AKAP13: variants seen among roughly 807,000 people sequenced by gnomAD.
The protein encoded by AKAP13 is A-kinase anchor protein 13.
In AKAP13, 80 loss-of-function variants were observed where a neutral mutation model predicts 264.5. The ratio of observed to expected loss-of-function variants is 0.30; its 90% CI spans 0.25 to 0.36. AKAP13 has a LOEUF of 0.36. Among genes scored for constraint, AKAP13 ranks in the 10% least tolerant of loss-of-function variants. The probability of loss-of-function intolerance (pLI) is 1.00; values close to 1 mark genes in which losing one functional copy is unlikely to be tolerated. For missense variants in AKAP13, 3,712 were observed against 3,435.2 expected (o/e 1.08, Z -2.01); for synonymous variants, 1,380 against 1,250.2 (o/e 1.10, Z -2.19).
At chr15:85,463,433 T>C (rs371947019) in intron 1 of AKAP13, among the ~76,000 whole-genome samples, 3 of 152,226 alleles carry the variant, frequency 2.0e-5, no homozygotes, top group African/African-American at 7.2e-5. Flanking sequence ...CCTGACTGAT[T>C]TCAGTTGCTG....
intron 26 of AKAP13, among the ~76,000 whole-genome samples, chr15:85,725,776 A>G (rs2087581612): frequency 6.6e-6 from 1 of 152,240 alleles, no homozygotes; most frequent in African/African-American, 2.4e-5. Context: ...CTACTCCTAG[A>G]GGATTAGTCA....
In AKAP13 at chr15:85,715,913, A is replaced by G. The variant is rs1428522894; in HGVS notation, c.5725A>G (p.Asn1909Asp). The G allele has an allele frequency of 6.2e-7, 1 of 1,612,492 alleles. No homozygotes were observed. The highest frequency in any genetic ancestry group is 8.5e-7 in the Non-Finnish European group (1 of 1,179,608). Reference sequence around the variant, plus strand: ...GCTCTCCAAAAGTGTCTCCATACAGAACATTACTGGGTAAGTGGAGATATT... The same window carrying G: ...GCTCTCCAAAAGTGTCTCCATACAGGACATTACTGGGTAAGTGGAGATATT... ...VSLSKSVSIQNITGVGNDENM... is the reference protein window; with the variant it reads ...VSLSKSVSIQDITGVGNDENM... The change falls in exon 20 of 37, where the codon AAC becomes GAC. Residue 1909 changes from asparagine (N) to aspartate (D), a missense_variant. Asn to Asp is a conservative substitution (Grantham distance 23). This residue lies in a region of AKAP13 where 2,759 missense variants were observed against 2,411.7 expected (regional missense o/e 1.14). Coordinates refer to ENST00000394518, the MANE Select transcript of AKAP13 (RefSeq NM_007200.5).
intron 13 of AKAP13, among the ~76,000 whole-genome samples, chr15:85,666,637 T>C (rs2083618616): frequency 6.6e-6 from 1 of 152,172 alleles, no homozygotes; most frequent in Non-Finnish European, 1.5e-5. Flanking sequence ...CAGCTTCAAC[T>C]TCCCCAGTTC....
At position 85,500,262 on chromosome 15, in the gene AKAP13, A is replaced by G. The variant is rs142568162; in HGVS notation, c.33+14509A>G. On this transcript the variant is annotated intron_variant, in intron 2 of 36. Coordinates refer to ENST00000394518, the MANE Select transcript of AKAP13 (RefSeq NM_007200.5). Reference sequence around the variant, plus strand: ...ATACTAGGTGAAAAACCGGATTTCAACCACTGTAGCCTAGTGCTTCCGTGT... The same window carrying G: ...ATACTAGGTGAAAAACCGGATTTCAGCCACTGTAGCCTAGTGCTTCCGTGT... Among the ~76,000 whole-genome samples the G allele has an allele frequency of 6.0e-4, 92 of 152,260 alleles. 3 individuals carry two copies. In the East Asian group the frequency reaches 0.014, roughly 24 times the overall value.
In AKAP13 at chr15:85,456,495, TC is replaced by T. The variant is rs530792326; in HGVS notation, c.-11-29213del. Among the ~76,000 whole-genome samples, 4 of 151,896 alleles carry T rather than the reference TC, an allele frequency of 2.6e-5. No homozygotes were observed. The South Asian group carries it at 8.3e-4, about 32-fold the overall frequency. On this transcript the variant is annotated intron_variant, in intron 1 of 36. Transcript: ENST00000394518. The stretch of plus-strand genomic sequence containing the variant: ...TAATTTAATTTTATTTTTTTACTGT[TC>T]CTTGCAGAGCAGGGCTACCCCAAAG...
chr15:85,740,158 G>A, intron 33 of AKAP13, 64 bp from the exon 34 acceptor site: 5 of 1,533,496 alleles, frequency 3.3e-6, no homozygotes, highest in Non-Finnish European at 4.5e-6. Context: ...GTAAACATTA[G>A]TGTGATGGAT....
At chr15:85,667,808 A>G (rs1479404691) in intron 13 of AKAP13, among the ~76,000 whole-genome samples, 1 of 152,194 alleles carries the variant, frequency 6.6e-6, no homozygotes, top group East Asian at 1.9e-4. Context: ...AGAATGATTT[A>G]ATTTTCTTAA....
intron 4 of AKAP13, among the ~76,000 whole-genome samples, chr15:85,538,490 CT>C (rs1056287024): frequency 0.019 from 2,680 of 138,986 alleles, 49 homozygotes; most frequent in African/African-American, 0.063. Flanking sequence ...GCTTTTCTTT[CT>C]TTTTTTTTTT....
At chr15:85,449,788 C>T (rs557416132) in intron 1 of AKAP13, among the ~76,000 whole-genome samples, 1 of 152,264 alleles carries the variant, frequency 6.6e-6, no homozygotes, top group African/African-American at 2.4e-5. Flanking sequence ...GGTGGATTAG[C>T]TTTTTGATGT....
chr15:85,468,673 G>A lies in AKAP13; in HGVS notation c.-11-17037G>A, dbSNP rs375863636. On this transcript the variant is annotated intron_variant, in intron 1 of 36. Coordinates refer to ENST00000394518, the MANE Select transcript of AKAP13 (RefSeq NM_007200.5). ...CTGGATTTGTAGAATTTTGTATGAA[G>A]TCTGACTTAAAATATAATTAAATTA... 1.2e-4 allele frequency among the ~76,000 whole-genome samples: 18 copies of A among 152,240 alleles called. 1 individual carries two copies. The East Asian group carries it at 3.5e-3, about 29-fold the overall frequency.
chr15:85,556,485 G>A (rs2078153187), intron 5 of AKAP13, among the ~76,000 whole-genome samples: 1 of 152,100 alleles, frequency 6.6e-6, no homozygotes, highest in African/African-American at 2.4e-5. Flanking sequence ...GCACATGACT[G>A]TAGTAAATAT....
chr15:85,557,157 T>A (rs2078180876), intron 5 of AKAP13, among the ~76,000 whole-genome samples: 1 of 152,358 alleles, frequency 6.6e-6, no homozygotes, highest in Non-Finnish European at 1.5e-5. Flanking sequence ...ATTACTACAC[T>A]AAATTGATTT....
chr15:85,694,667 C>G (rs2085470863), intron 17 of AKAP13, among the ~76,000 whole-genome samples: 1 of 152,180 alleles, frequency 6.6e-6, no homozygotes, highest in Non-Finnish European at 1.5e-5. Context: ...TGTCAGTGCA[C>G]AGATCAAAAG....
rs912501591 is a variant in AKAP13 at position 85,687,759 on chromosome 15, G to C, written c.5289+2886G>C. Among the ~76,000 whole-genome samples, 3 of 152,120 alleles carry C rather than the reference G, an allele frequency of 2.0e-5. No homozygotes were observed. The South Asian group carries it at 6.2e-4, about 32-fold the overall frequency. ...AAAAGATGATTTTTTAAAAGGTGGG[G>C]GTGGGGCACAGTGGTACACACCTGT... is the stretch of plus-strand genomic sequence containing the variant. On this transcript the variant is annotated intron_variant, in intron 16 of 36. Transcript: ENST00000394518.
intron 7 of AKAP13, among the ~76,000 whole-genome samples, chr15:85,585,188 C>T (rs542781472): frequency 6.6e-6 from 1 of 152,286 alleles, no homozygotes; most frequent in South Asian, 2.1e-4. Flanking sequence ...GTAGTTCATT[C>T]TTACTGGTTA....
chr15:85,463,023 C>CAAAAA (rs35565608), intron 1 of AKAP13, among the ~76,000 whole-genome samples: 789 of 64,898 alleles, frequency 0.012, 37 homozygotes, highest in African/African-American at 0.037. Context: ...GACTCCGTCT[C>CAAAAA]AAAAAAAAAA....
At chr15:85,639,747 T>C (rs1042162875) in intron 9 of AKAP13, among the ~76,000 whole-genome samples, 7 of 152,234 alleles carry the variant, frequency 4.6e-5, no homozygotes, top group Non-Finnish European at 8.8e-5. Context: ...AGTATAAATA[T>C]ACTGTTAACC....
chr15:85,730,749 G>T (rs1325471598), intron 30 of AKAP13, 42 bp downstream of exon 30: 15 of 1,567,166 alleles, frequency 9.6e-6, no homozygotes, highest in Non-Finnish European at 1.3e-5. Flanking sequence ...TCTACTCCCA[G>T]AGTGGTTTAC....
At chr15:85,625,735 C>T (rs1324239258) in intron 8 of AKAP13, among the ~76,000 whole-genome samples, 2 of 152,176 alleles carry the variant, frequency 1.3e-5, no homozygotes, top group South Asian at 2.1e-4. Context: ...CATGTATGTA[C>T]TCAGGGCCTG....
Sources: gnomAD v4.1 joint callset for allele counts (sites outside exome capture counted in the v4.1 genomes callset) on GRCh38, gnomAD v4.1.1 for gene constraint, gnomAD v4.1.1 regional missense constraint, MANE v1.5 for transcripts, NCBI Gene and HGNC (gene_info 2026-07-23, HGNC 2026-07-21) for gene names.